RAP1GAP: variants seen among roughly 807,000 people sequenced by gnomAD.
RAP1GAP encodes RAP1 GTPase activating protein, also known as rap1 GTPase-activating protein 1.
In RAP1GAP, 35 loss-of-function variants were observed where a neutral mutation model predicts 87.2. The observed-to-expected ratio is 0.40, with a 90% CI of 0.31 to 0.53. The LOEUF (loss-of-function observed/expected upper bound fraction) is 0.53, where lower values mean the gene tolerates loss of function less well. Among genes scored for constraint, RAP1GAP ranks in the 20% least tolerant of loss-of-function variants. RAP1GAP has a pLI of 0.48. For missense variants in RAP1GAP, 734 were observed against 898.9 expected (o/e 0.82, Z 2.35); for synonymous variants, 375 against 363.9 (o/e 1.03, Z -0.35).
intron 1 of RAP1GAP, among the ~76,000 whole-genome samples, chr1:21,654,560 C>T (rs1230087839): frequency 2.0e-5 from 3 of 152,288 alleles, no homozygotes; most frequent in African/African-American, 7.2e-5. Context: ...TGACTGAGCA[C>T]GGTGGCTCAC....
rs534164454 is a variant in RAP1GAP, at chr1:21,642,572, G to A, written c.-113+7189C>T. ...AAGAGCACAGTCAGGGCCTCCCTGA[G>A]CTGCGGCTGACTCAGTCTCACACAG... On this transcript the variant is annotated intron_variant, in intron 2 of 24. Coordinates refer to ENST00000374765, the MANE Select transcript of RAP1GAP (RefSeq NM_002885.4). Among the ~76,000 whole-genome samples, 6 of 152,270 alleles carry A rather than the reference G, an allele frequency of 3.9e-5. 1 individual carries two copies. The South Asian group carries it at 1.2e-3, about 32-fold the overall frequency.
chr1:21,645,202 C>T (rs979378544), intron 2 of RAP1GAP, among the ~76,000 whole-genome samples: 6 of 152,212 alleles, frequency 3.9e-5, no homozygotes, highest in Non-Finnish European at 7.3e-5. Flanking sequence ...ACAGCTCTAT[C>T]GCTCTGAGGC....
At chr1:21,667,840 T>G (rs549358314) in intron 1 of RAP1GAP, among the ~76,000 whole-genome samples, 2 of 152,194 alleles carry the variant, frequency 1.3e-5, no homozygotes, top group African/African-American at 4.8e-5. Flanking sequence ...AGGGGGAAAT[T>G]GCTCGTGCCA....
At chr1:21,652,584 G>GC (rs1303319565) in intron 1 of RAP1GAP, among the ~76,000 whole-genome samples, 1 of 151,976 alleles carries the variant, frequency 6.6e-6, no homozygotes. Flanking sequence ...GAGTGGAGAC[G>GC]CCCCCCTCCA....
intron 2 of RAP1GAP, among the ~76,000 whole-genome samples, chr1:21,629,390 C>T (rs1163448845): frequency 1.3e-5 from 2 of 152,204 alleles, no homozygotes; most frequent in African/African-American, 4.8e-5. Flanking sequence ...GCCTCAGTCT[C>T]CCCATGTGTA....
rs750473232 is a variant in RAP1GAP, at chr1:21,651,825, T to TGCC, written c.-148-2032_-148-2030dup. 4.0e-5 allele frequency: 49 copies of TGCC among 1,232,938 alleles called. No homozygotes were observed. The East Asian group carries it at 5.6e-4, about 14-fold the overall frequency. 76.4% of individuals were successfully genotyped at this position (1,232,938 alleles called of 1,614,324 possible). A position where few individuals can be genotyped will look rare whatever the true frequency, so the allele number is the denominator to read the frequency against. On this transcript the variant is annotated intron_variant, in intron 1 of 24. Coordinates refer to ENST00000374765, the MANE Select transcript of RAP1GAP (RefSeq NM_002885.4). ...AAGCTGCGCTTCCGGCCGCTCATGGTGCCGCCGCCGCCGCCCGGCCCGGCC... is the reference window on the plus strand; with the variant it reads ...AAGCTGCGCTTCCGGCCGCTCATGGTGCCGCCGCCGCCGCCGCCCGGCCCGGCC...
chr1:21,617,821 C>T (rs545172253), intron 6 of RAP1GAP, 113 bp downstream of exon 6: 16 of 1,455,560 alleles, frequency 1.1e-5, no homozygotes, highest in African/African-American at 2.8e-5. Flanking sequence ...GTCTCCAGCC[C>T]GCAGCAAGGC....
intron 1 of RAP1GAP, chr1:21,651,377 C>A: frequency 1.9e-6 from 1 of 517,662 alleles, no homozygotes; most frequent in East Asian, 5.5e-5. Context: ...CCTGCCTGCC[C>A]CTACTCCCAC....
chr1:21,625,100 A>G (rs1416228737), intron 3 of RAP1GAP, among the ~76,000 whole-genome samples: 1 of 152,224 alleles, frequency 6.6e-6, no homozygotes. Context: ...AGTCAGTCTC[A>G]GGAATCTCCT....
chr1:21,656,218 G>A (rs1422081614), intron 1 of RAP1GAP, among the ~76,000 whole-genome samples: 2 of 152,070 alleles, frequency 1.3e-5, no homozygotes, highest in Non-Finnish European at 2.9e-5. Context: ...GAATCATGAG[G>A]TCAGGAGTTC....
At chr1:21,618,034 T>G (rs906344561) in intron 5 of RAP1GAP, 62 bp from the exon 6 acceptor site, 1 of 1,606,444 alleles carries the variant, frequency 6.2e-7, no homozygotes, top group African/African-American at 1.3e-5. Flanking sequence ...CCCCCAGAGC[T>G]GGCCTCTGCT....
Position 21,603,887 on chromosome 1 carries a change from G to A in RAP1GAP, c.1429-974C>T, listed in dbSNP as rs770952683. On this transcript the variant is annotated intron_variant, in intron 18 of 24. Transcript: ENST00000374765. This position sits in a 1 kb window ranked among gnomAD's most constrained non-coding sequence, Gnocchi z 6.0. ...ACTGCCCCGGCGTCCGAATCTACTCGCACTTTTCCCAGGAATAAGCAATGA... is the reference window on the plus strand; with the variant it reads ...ACTGCCCCGGCGTCCGAATCTACTCACACTTTTCCCAGGAATAAGCAATGA... 4.5e-6 allele frequency: 7 copies of A among 1,562,548 alleles called. No homozygotes were observed. The highest frequency in any genetic ancestry group is 1.9e-5 in the Admixed American group (1 of 52,152).
At chr1:21,598,124 G>T in intron 22 of RAP1GAP, 60 bp from the exon 23 acceptor site, 1 of 1,170,204 alleles carries the variant, frequency 8.5e-7, no homozygotes, top group Non-Finnish European at 1.2e-6. Flanking sequence ...CAGGGAGACG[G>T]GGGCATAGGT....
At chr1:21,608,699 G>C in intron 16 of RAP1GAP, 151 bp downstream of exon 16, 1 of 761,868 alleles carries the variant, frequency 1.3e-6, no homozygotes, top group Non-Finnish European at 2.2e-6. Context: ...TCCTCTCCCC[G>C]ACCTCCTACT....
At chr1:21,656,367 A>C (rs1162129880) in intron 1 of RAP1GAP, among the ~76,000 whole-genome samples, 1 of 150,056 alleles carries the variant, frequency 6.7e-6, no homozygotes, top group Non-Finnish European at 1.5e-5. Context: ...TGCAGTGACC[A>C]AAGATCACAC....
chr1:21,633,352 G>A (rs1418894401), intron 2 of RAP1GAP, among the ~76,000 whole-genome samples: 1 of 152,146 alleles, frequency 6.6e-6, no homozygotes, highest in Non-Finnish European at 1.5e-5. Flanking sequence ...CAGGCTGCAG[G>A]CAGCTTTCCT....
In RAP1GAP at chr1:21,634,714, C is replaced by G. The variant is rs563464729; in HGVS notation, c.-112-8317G>C. 1.2e-5 allele frequency: 5 copies of G among 425,500 alleles called. No homozygotes were observed. The highest frequency in any genetic ancestry group is 1.2e-4 in the Admixed American group (5 of 43,108). The allele number at this position is 425,500 out of a possible 1,614,324, so 26.4% of individuals were successfully genotyped here. A position where few individuals can be genotyped will look rare whatever the true frequency, so the allele number is the denominator to read the frequency against. The stretch of plus-strand genomic sequence containing the variant: ...CAGCCTAGAGAGGTGGTCACGGGAC[C>G]GGTCCCTGCCCAGGGCACAGCATCT... On this transcript the variant is annotated intron_variant, in intron 2 of 24. Transcript: ENST00000374765. This position sits in a 1 kb window ranked among gnomAD's most constrained non-coding sequence, Gnocchi z 4.1.
At chr1:21,619,181 AGG>A (rs1345179581) in intron 4 of RAP1GAP, 109 bp from the exon 5 acceptor site, 2 of 1,191,962 alleles carry the variant, frequency 1.7e-6, no homozygotes, top group Non-Finnish European at 2.4e-6. Context: ...CCGCGAAGGT[AGG>A]GGTACTCCCA....
rs1645265397 is a variant in RAP1GAP at position 21,596,485 on chromosome 1, G to C, written c.*814C>G. On this transcript the variant is annotated 3_prime_UTR_variant, in exon 25 of 25. Coordinates refer to ENST00000374765, the MANE Select transcript of RAP1GAP (RefSeq NM_002885.4). Reference sequence around the variant, plus strand: ...TGGGATGGCAGGGGTTAAGCTGGGTGCTGGCTGAGGAGCCAGGTAGGTCCC... The same window carrying C: ...TGGGATGGCAGGGGTTAAGCTGGGTCCTGGCTGAGGAGCCAGGTAGGTCCC... The C allele has an allele frequency of 6.6e-6, 1 of 152,396 alleles. No individual in the cohort carries two copies. The highest frequency in any genetic ancestry group is 2.4e-5 in the African/African-American group (1 of 41,472). The allele number at this position is 152,396 out of a possible 1,614,324, so 9.4% of individuals were successfully genotyped here.
Sources: allele counts gnomAD v4.1 joint callset (sites outside exome capture counted in the v4.1 genomes callset), GRCh38; gene constraint gnomAD v4.1.1; non-coding constraint Gnocchi (gnomAD v3.1); transcripts MANE v1.5; gene names NCBI Gene and HGNC (gene_info 2026-07-23, HGNC 2026-07-21).